Variants in SLC1A6 observed in about 807,000 individuals in gnomAD.
The protein encoded by SLC1A6 is excitatory amino acid transporter 4.
Under a neutral mutation model 42.1 loss-of-function variants are expected in SLC1A6, and 15 were observed. The ratio of observed to expected loss-of-function variants is 0.36; its 90% CI spans 0.24 to 0.55. SLC1A6 has a LOEUF of 0.55. Ranked by LOEUF, SLC1A6 falls within the 20% of genes least tolerant of loss-of-function variation. SLC1A6 has a pLI of 0.88. For missense variants in SLC1A6, 542 were observed against 772.5 expected, an observed-to-expected ratio of 0.70 and a Z score of 3.54; for synonymous variants, 317 against 319.7, an observed-to-expected ratio of 0.99 and a Z score of 0.09.
chr19:14,964,486 G>A (rs926039115), intron 4 of SLC1A6, 125 bp from the exon 5 acceptor site: 17 of 780,120 alleles, frequency 2.2e-5, no homozygotes, highest in Admixed American at 3.6e-5. Context: ...CCTCTAGGCT[G>A]GGCACTGAGC....
chr19:14,996,461 TCTC>T (rs922888266), intron 1 of SLC1A6, among the ~76,000 whole-genome samples: 6 of 151,974 alleles, frequency 3.9e-5, no homozygotes, highest in South Asian at 2.1e-4. Context: ...GTCAGTTTGT[TCTC>T]CTCCTCCTCC....
At chr19:15,006,135 C>T (rs2045894792) in intron 1 of SLC1A6, among the ~76,000 whole-genome samples, 1 of 152,206 alleles carries the variant, frequency 6.6e-6, no homozygotes, top group Non-Finnish European at 1.5e-5. Context: ...TAAACACTTA[C>T]ATAATGCTTA....
chr19:15,004,458 T>C (rs1021433123), intron 1 of SLC1A6, among the ~76,000 whole-genome samples: 1 of 148,620 alleles, frequency 6.7e-6, no homozygotes, highest in Admixed American at 6.9e-5. Flanking sequence ...TCCCAGCACT[T>C]TGAGAGGGTG....
intron 1 of SLC1A6, among the ~76,000 whole-genome samples, chr19:14,996,549 CTTCTTCTTCTTG>C (rs1279597110): frequency 0.024 from 3,524 of 147,160 alleles, 87 homozygotes; most frequent in African/African-American, 0.058. Context: ...TCTTCTTCTT[CTTCTTCTTCTTG>C]TTCTTCTTCC....
upstream of SLC1A6, chr19:15,010,622 C>T (rs556112786): frequency 4.7e-6 from 3 of 641,662 alleles, no homozygotes; most frequent in South Asian, 1.8e-5. Flanking sequence ...GATGCCAGTG[C>T]ACTTAGGCCA....
intron 7 of SLC1A6, among the ~76,000 whole-genome samples, chr19:14,955,407 C>T (rs1362843223): frequency 6.6e-6 from 1 of 151,902 alleles, no homozygotes; most frequent in Non-Finnish European, 1.5e-5. Context: ...ATGGCAAAAC[C>T]CCGTCTCTAC....
At chr19:14,965,533 T>C (rs2045564395) in intron 4 of SLC1A6, among the ~76,000 whole-genome samples, 1 of 152,084 alleles carries the variant, frequency 6.6e-6, no homozygotes, top group Non-Finnish European at 1.5e-5. Context: ...ATGTACACCA[T>C]GGAATACTAC....
At chr19:15,009,544 G>A (rs1178938085) in intron 1 of SLC1A6, among the ~76,000 whole-genome samples, 1 of 152,052 alleles carries the variant, frequency 6.6e-6, no homozygotes, top group Non-Finnish European at 1.5e-5. Flanking sequence ...CTTCTAAGTG[G>A]AAGCTAAACC....
intron 5 of SLC1A6, 134 bp from the exon 6 acceptor site, chr19:14,962,479 A>C: frequency 1.5e-6 from 1 of 645,456 alleles, no homozygotes. Context: ...ATCGATTATC[A>C]CTCATTATCG....
At chr19:15,000,777 C>T (rs752668547) in intron 1 of SLC1A6, among the ~76,000 whole-genome samples, 3 of 152,220 alleles carry the variant, frequency 2.0e-5, no homozygotes, top group Non-Finnish European at 2.9e-5. Flanking sequence ...ACATGGCCAA[C>T]TTGTCATAAG....
At chr19:14,997,600 T>C (rs909186607) in intron 1 of SLC1A6, among the ~76,000 whole-genome samples, 4 of 152,136 alleles carry the variant, frequency 2.6e-5, no homozygotes, top group Non-Finnish European at 5.9e-5. Flanking sequence ...TCTCCCTTGC[T>C]CTGCTATTTG....
chr19:14,991,970 T>C (rs1357108342), intron 1 of SLC1A6, among the ~76,000 whole-genome samples: 1 of 152,044 alleles, frequency 6.6e-6, no homozygotes, highest in Non-Finnish European at 1.5e-5. Flanking sequence ...GGATTACAGG[T>C]GCCTACCACC....
chr19:14,972,672 C>CCGAAG (rs746589751), intron 2 of SLC1A6, 34 bp downstream of exon 2: 3 of 1,593,004 alleles, frequency 1.9e-6, no homozygotes, highest in Middle Eastern at 1.7e-4. Flanking sequence ...CCGCCTTTCC[C>CCGAAG]TGAAGTCCCC....
At chr19:14,988,757 G>A (rs895348828) in intron 1 of SLC1A6, among the ~76,000 whole-genome samples, 7 of 152,192 alleles carry the variant, frequency 4.6e-5, no homozygotes, top group African/African-American at 7.2e-5. Context: ...GCTCACGCCT[G>A]TAATCCCAAC....
intron 9 of SLC1A6, among the ~76,000 whole-genome samples, chr19:14,951,249 C>T: frequency 3.5e-5 from 1 of 28,630 alleles, no homozygotes; most frequent in African/African-American, 1.6e-4. Flanking sequence ...AAGACTCTGT[C>T]TCACAAAAAA....
In SLC1A6 at chr19:15,010,047, A is replaced by G. The variant is rs566764069; in HGVS notation, c.6+438T>C. ...AAAAAATGCAAAAAATTAGCTGGGC[A>G]TGGTGGTGGGCGCCTGTAAGCCCAG... On this transcript the variant is annotated intron_variant, in intron 1 of 8. Coordinates refer to the SLC1A6 transcript ENST00000430939. 9.2e-5 allele frequency among the ~76,000 whole-genome samples: 14 copies of G among 151,890 alleles called. No homozygotes were observed. In the South Asian group the frequency reaches 2.9e-3, roughly 32 times the overall value.
chr19:14,975,655 G>C (rs62113282), intron 1 of SLC1A6, among the ~76,000 whole-genome samples: 11,998 of 151,520 alleles, frequency 0.079, 561 homozygotes, highest in African/African-American at 0.14. Flanking sequence ...CAGAGGCTGA[G>C]GCAGGAGAAT....
At chr19:14,951,955 C>T (rs2045417393) in intron 9 of SLC1A6, among the ~76,000 whole-genome samples, 1 of 149,910 alleles carries the variant, frequency 6.7e-6, no homozygotes, top group African/African-American at 2.5e-5. Flanking sequence ...GCTGGGACTA[C>T]AGGTGCGCCA....
At chr19:14,981,047 C>T (rs568962611), upstream of SLC1A6, among the ~76,000 whole-genome samples, 1 of 152,122 alleles carries the variant, frequency 6.6e-6, no homozygotes, top group Admixed American at 6.5e-5. Flanking sequence ...AATCCCAGCA[C>T]ATTGGGACGC....
Sources: allele counts gnomAD v4.1 joint callset (sites outside exome capture counted in the v4.1 genomes callset), GRCh38; gene constraint gnomAD v4.1.1; transcripts MANE v1.5; gene names NCBI Gene and HGNC (gene_info 2026-07-23, HGNC 2026-07-21).